The following SORBS2 variants were observed in gnomAD, a reference collection of about 807,000 sequenced individuals.
SORBS2 encodes sorbin and SH3 domain-containing protein 2.
Under a neutral mutation model 97.7 loss-of-function variants are expected in SORBS2, and 46 were observed. That is an observed-to-expected ratio of 0.47 (90% CI 0.37 to 0.60). The LOEUF (loss-of-function observed/expected upper bound fraction) is 0.60. Ranked by LOEUF, SORBS2 falls within the 20% of genes least tolerant of loss-of-function variation. The pLI, the probability that SORBS2 is intolerant of heterozygous loss-of-function variation, is 0.00. For synonymous variants in SORBS2, 476 were observed against 473.4 expected (o/e 1.01, Z -0.07); for missense variants, 1,316 against 1,282.3 (o/e 1.03, Z -0.40).
chr4:185,947,965 G>A (rs1215068867), intron 1 of SORBS2, among the ~76,000 whole-genome samples: 1 of 152,198 alleles, frequency 6.6e-6, no homozygotes, highest in South Asian at 2.1e-4. Flanking sequence ...AATGTGCTTA[G>A]CATGGAACCC....
At chr4:185,927,991 G>C (rs1221540843) in intron 1 of SORBS2, among the ~76,000 whole-genome samples, 1 of 152,108 alleles carries the variant, frequency 6.6e-6, no homozygotes, top group African/African-American at 2.4e-5. Context: ...TTGCTGGTTT[G>C]TTTTCACTGA....
At chr4:185,895,326 T>C (rs10031442) in intron 1 of SORBS2, among the ~76,000 whole-genome samples, 42,810 of 152,150 alleles carry the variant, frequency 0.28, 6,351 homozygotes, top group East Asian at 0.54. Context: ...CCATCCAAAC[T>C]TCTACTCTAT....
chr4:185,800,251 C>A lies in SORBS2; in HGVS notation c.-337-24885G>T, dbSNP rs114455537. Among the ~76,000 whole-genome samples, 1,143 of 152,234 alleles carry A rather than the reference C, an allele frequency of 7.5e-3. 21 individuals are homozygous for A. The highest frequency in any genetic ancestry group is 0.026 in the African/African-American group (1,078 of 41,542). The stretch of plus-strand genomic sequence containing the variant: ...CTAACCACTAGCAATCACCCTATAA[C>A]ATATTCCCCTCAATGAAAAAGACTG... On this transcript the variant is annotated intron_variant, in intron 1 of 20. Transcript: ENST00000284776.
chr4:185,849,660 C>A (rs2099216683), intron 1 of SORBS2, among the ~76,000 whole-genome samples: 1 of 152,122 alleles, frequency 6.6e-6, no homozygotes, highest in Admixed American at 6.5e-5. Flanking sequence ...GACAGTAGCC[C>A]AGCAGGCCAC....
In SORBS2 at chr4:185,629,562, TTG is replaced by T. The variant is rs1242709694; in HGVS notation, c.446+985_446+986del. ...TCTGAATATGTCTGAATTTTGTGAT[TTG>T]TTTTTTTTTTTTTTTTTAGACTGAG... On this transcript the variant is annotated intron_variant, in intron 5 of 14. Transcript: ENST00000418609. 1.4e-5 allele frequency among the ~76,000 whole-genome samples: 2 copies of T among 142,496 alleles called. 1 individual carries two copies. The allele number at this position is 142,496 out of a possible 152,430, so 93.5% of individuals were successfully genotyped here. A position where few individuals can be genotyped will look rare whatever the true frequency, so the allele number is the denominator to read the frequency against.
At chr4:185,758,950 C>G (rs1169208417) in intron 2 of SORBS2, among the ~76,000 whole-genome samples, 5 of 152,236 alleles carry the variant, frequency 3.3e-5, no homozygotes, top group Admixed American at 6.5e-5. Flanking sequence ...CTTTTACTCT[C>G]TTACCTACTG....
chr4:185,769,797 A>G (rs2098958910), intron 2 of SORBS2, among the ~76,000 whole-genome samples: 1 of 152,142 alleles, frequency 6.6e-6, no homozygotes, highest in African/African-American at 2.4e-5. Context: ...GCCTAATACT[A>G]CTATTTTTTA....
At chr4:185,683,309 T>C (rs1007177835) in intron 2 of SORBS2, among the ~76,000 whole-genome samples, 1 of 152,178 alleles carries the variant, frequency 6.6e-6, no homozygotes, top group Non-Finnish European at 1.5e-5. Context: ...TTGCATGTAG[T>C]TCAGTTTCGA....
At chr4:185,831,559 A>G (rs2099205153) in intron 1 of SORBS2, among the ~76,000 whole-genome samples, 1 of 152,178 alleles carries the variant, frequency 6.6e-6, no homozygotes, top group Non-Finnish European at 1.5e-5. Context: ...GGGTTAAATC[A>G]CCTGGCCAGA....
intron 2 of SORBS2, among the ~76,000 whole-genome samples, chr4:185,766,989 A>G (rs576049138): frequency 6.6e-6 from 1 of 152,130 alleles, no homozygotes; most frequent in African/African-American, 2.4e-5. Context: ...AACTGTGTCA[A>G]TTTCCTAACT....
chr4:185,709,142 C>G (rs1228033177), intron 2 of SORBS2, among the ~76,000 whole-genome samples: 1 of 152,176 alleles, frequency 6.6e-6, no homozygotes, highest in African/African-American at 2.4e-5. Context: ...CCTCAACCTC[C>G]CAGGTAGCTG....
chr4:185,696,342 A>T (rs1441370397), intron 2 of SORBS2, among the ~76,000 whole-genome samples: 1 of 152,214 alleles, frequency 6.6e-6, no homozygotes, highest in Non-Finnish European at 1.5e-5. Flanking sequence ...TTAGAAGTTG[A>T]TCACCTGGTA....
intron 2 of SORBS2, among the ~76,000 whole-genome samples, chr4:185,708,806 G>A (rs1483400713): frequency 2.6e-5 from 4 of 152,298 alleles, no homozygotes; most frequent in South Asian, 2.1e-4. Flanking sequence ...GCTCTGAAAC[G>A]TGGAGCGCCT....
chr4:185,773,436 A>G (rs1378256754), intron 2 of SORBS2: 4 of 152,256 alleles, frequency 2.6e-5, no homozygotes, highest in Non-Finnish European at 5.9e-5. Context: ...TTTTTCTACT[A>G]TAAATCCAAG....
chr4:185,601,533 A>G (rs891910433), intron 12 of SORBS2, among the ~76,000 whole-genome samples: 5 of 152,150 alleles, frequency 3.3e-5, no homozygotes, highest in African/African-American at 7.2e-5. Flanking sequence ...TTCTCTGATG[A>G]CTGCGGGGCC....
rs186166887 is a variant in SORBS2 at position 185,746,567 on chromosome 4, C to T, written c.-198+28660G>A. Reference sequence around the variant, plus strand: ...TTCTGACCTCAAGTGGTCCTCCTGCCTCGGCTTCCCAGAGTGCTGGGATTA... The same window carrying T: ...TTCTGACCTCAAGTGGTCCTCCTGCTTCGGCTTCCCAGAGTGCTGGGATTA... On this transcript the variant is annotated intron_variant, in intron 2 of 20. Transcript: ENST00000284776. 1.2e-4 allele frequency among the ~76,000 whole-genome samples: 19 copies of T among 152,252 alleles called. No homozygotes were observed. The East Asian group carries it at 1.5e-3, about 12-fold the overall frequency.
At position 185,696,743 on chromosome 4, in the gene SORBS2, C is replaced by T. The variant is rs186787213; in HGVS notation, c.-197-17921G>A. 1.6e-4 allele frequency among the ~76,000 whole-genome samples: 24 copies of T among 152,236 alleles called. No individual in the cohort carries two copies. The East Asian group carries it at 3.9e-3, about 25-fold the overall frequency. On this transcript the variant is annotated intron_variant, in intron 2 of 20. Transcript: ENST00000284776. ...AGGTGTGAGTCACTGTGCCTAGCCACCCTACTTTCATGGAGTTCCTTAGTT... is the reference window on the plus strand; with the variant it reads ...AGGTGTGAGTCACTGTGCCTAGCCATCCTACTTTCATGGAGTTCCTTAGTT...
chr4:185,643,805 C>T (rs1366429661), intron 4 of SORBS2, among the ~76,000 whole-genome samples: 1 of 152,102 alleles, frequency 6.6e-6, no homozygotes, highest in Non-Finnish European at 1.5e-5. Flanking sequence ...GGAATGCTTC[C>T]AAGGCATCTT....
chr4:185,721,860 C>A (rs374453994), intron 2 of SORBS2, among the ~76,000 whole-genome samples: 1 of 152,162 alleles, frequency 6.6e-6, no homozygotes, highest in Non-Finnish European at 1.5e-5. Context: ...TATAATTAGG[C>A]CCTGTGTTGC....
Sources: gnomAD v4.1 joint callset for allele counts (sites outside exome capture counted in the v4.1 genomes callset) on GRCh38, gnomAD v4.1.1 for gene constraint, MANE v1.5 for transcripts, NCBI Gene and HGNC (gene_info 2026-07-23, HGNC 2026-07-21) for gene names.